Variants in PCDH15 observed in about 807,000 individuals in gnomAD.
PCDH15 encodes the protein protocadherin related 15.
PCDH15 carries 129 observed loss-of-function variants against 178.5 expected under a neutral mutation model. That is an observed-to-expected ratio of 0.72 (90% CI 0.63 to 0.84). The LOEUF (loss-of-function observed/expected upper bound fraction) is 0.84, where lower values mean the gene tolerates loss of function less well. Among genes scored for constraint, PCDH15 ranks in the 40% least tolerant of loss-of-function variants. PCDH15 has a pLI of 0.00. For synonymous variants in PCDH15, 800 were observed against 732.0 expected (o/e 1.09, Z -1.50); for missense variants, 2,230 against 2,099.9 (o/e 1.06, Z -1.21).
intron 2 of PCDH15, among the ~76,000 whole-genome samples, chr10:55,105,845 T>C (rs1405152727): frequency 6.6e-6 from 1 of 151,946 alleles, no homozygotes; most frequent in Non-Finnish European, 1.5e-5. Flanking sequence ...CATAAAAAAG[T>C]GATTTTTTCT....
intron 2 of PCDH15, among the ~76,000 whole-genome samples, chr10:55,401,635 T>C (rs914416187): frequency 4.0e-5 from 6 of 150,406 alleles, no homozygotes; most frequent in South Asian, 2.1e-4. Context: ...TGTGTGTGTG[T>C]GTAGTGAGTA....
intron 25 of PCDH15, among the ~76,000 whole-genome samples, chr10:53,937,718 A>T (rs2085701679): frequency 6.6e-6 from 1 of 152,194 alleles, no homozygotes; most frequent in Non-Finnish European, 1.5e-5. Context: ...TTTTATGATC[A>T]ACTGCCAAAC....
At chr10:54,740,502 G>T (rs1327541588) in intron 1 of PCDH15, among the ~76,000 whole-genome samples, 1 of 151,786 alleles carries the variant, frequency 6.6e-6, no homozygotes, top group Non-Finnish European at 1.5e-5. Flanking sequence ...ATTAGCATAT[G>T]ATCCAGCAAT....
At chr10:54,911,438 A>G (rs544758478) in intron 2 of PCDH15, among the ~76,000 whole-genome samples, 1 of 152,356 alleles carries the variant, frequency 6.6e-6, no homozygotes, top group South Asian at 2.1e-4. Flanking sequence ...ATGATAACAG[A>G]CATAAGACAA....
chr10:54,726,983 T>C (rs1395420241), intron 1 of PCDH15, among the ~76,000 whole-genome samples: 1 of 134,564 alleles, frequency 7.4e-6, no homozygotes, highest in Non-Finnish European at 1.7e-5. Context: ...TTGGAAAATA[T>C]TTTTGTGGGT....
intron 2 of PCDH15, among the ~76,000 whole-genome samples, chr10:55,150,320 CA>C (rs1179565243): frequency 6.6e-6 from 1 of 151,998 alleles, no homozygotes; most frequent in Admixed American, 6.6e-5. Flanking sequence ...AAATGGCCTG[CA>C]AAAACAGAAT....
chr10:54,784,542 C>T (rs887175681), intron 1 of PCDH15, among the ~76,000 whole-genome samples: 1 of 151,936 alleles, frequency 6.6e-6, no homozygotes, highest in African/African-American at 2.4e-5. Context: ...AAAGTCTTTC[C>T]TATATGGACA....
chr10:53,808,918 TCTGTACTTTCTTCCACAGGGG>T lies in PCDH15; in HGVS notation c.4671+1617_4671+1637del, dbSNP rs769671738. Reference sequence around the variant, plus strand: ...TTCAGGGATATCTTGAGCTTCAGGGTCTGTACTTTCTTCCACAGGGGCTGGTCCACTTTCTTCTTCTTCTGA... The same window carrying T: ...TTCAGGGATATCTTGAGCTTCAGGGTCTGGTCCACTTTCTTCTTCTTCTGA... On this transcript the variant is annotated intron_variant, in intron 37 of 37. Transcript: ENST00000644397. 1.3e-6 allele frequency: 2 copies of T among 1,571,296 alleles called. No individual in the cohort carries two copies. The highest frequency in any genetic ancestry group is 4.7e-5 in the East Asian group (2 of 42,522).
chr10:55,369,010 C>CA (rs60906060), intron 2 of PCDH15, among the ~76,000 whole-genome samples: 15,871 of 85,790 alleles, frequency 0.18, 958 homozygotes, highest in East Asian at 0.49. Context: ...TTTTTGGGAC[C>CA]AAAAAAAAAA....
intron 2 of PCDH15, among the ~76,000 whole-genome samples, chr10:55,564,811 G>A (rs1182506207): frequency 1.3e-5 from 2 of 151,548 alleles, no homozygotes; most frequent in Admixed American, 6.6e-5. Flanking sequence ...ATTCCAAGAA[G>A]CTATAATAAA....
At chr10:55,460,050 A>G (rs896511086) in intron 2 of PCDH15, among the ~76,000 whole-genome samples, 5 of 152,040 alleles carry the variant, frequency 3.3e-5, no homozygotes, top group Non-Finnish European at 5.9e-5. Context: ...CCCACAGAAC[A>G]AAAGTGATTG....
At chr10:54,697,515 G>GTGTATATATATATATATA (rs1555156234) in intron 1 of PCDH15, among the ~76,000 whole-genome samples, 12 of 143,056 alleles carry the variant, frequency 8.4e-5, no homozygotes, top group African/African-American at 2.9e-4. Flanking sequence ...TGAAATGTGT[G>GTGTATATATATATATATA]TATATATATA....
chr10:54,333,114 T>C (rs1426735050), intron 6 of PCDH15, among the ~76,000 whole-genome samples: 1 of 151,986 alleles, frequency 6.6e-6, no homozygotes, highest in Non-Finnish European at 1.5e-5. Context: ...GGCTAATTTT[T>C]ATTTTTTACT....
chr10:54,474,824 T>C (rs1281593583), intron 3 of PCDH15, among the ~76,000 whole-genome samples: 1 of 152,000 alleles, frequency 6.6e-6, no homozygotes, highest in Non-Finnish European at 1.5e-5. Flanking sequence ...GTTTCGAGGT[T>C]TTTCAATGAA....
chr10:55,129,674 A>G (rs1564821863), intron 2 of PCDH15, among the ~76,000 whole-genome samples: 1 of 152,134 alleles, frequency 6.6e-6, no homozygotes, highest in Non-Finnish European at 1.5e-5. Flanking sequence ...TTTTAAAGAA[A>G]GACTTATGCT....
intron 3 of PCDH15, among the ~76,000 whole-genome samples, chr10:54,401,354 G>A (rs1395919460): frequency 6.6e-6 from 1 of 151,576 alleles, no homozygotes; most frequent in Non-Finnish European, 1.5e-5. Flanking sequence ...TTATGCTGTT[G>A]TAGATTCAAA....
rs573043647 is a variant in PCDH15 at position 54,079,375 on chromosome 10, G to C, written c.2047C>G (p.Arg683Gly). The C allele has an allele frequency of 4.3e-6, 7 of 1,613,938 alleles. No homozygotes were observed. The highest frequency in any genetic ancestry group is 5.9e-6 in the Non-Finnish European group (7 of 1,179,970). Residue 683 changes from arginine to glycine, a missense_variant, in exon 17 of 38, where the codon CGC becomes GGC. Arg to Gly is a moderately radical substitution (Grantham distance 125). Transcript: ENST00000644397. ...GAAGCTGTGATGATCAGAATGTAGC[G>C]ATCAGTGCTTTCCCTGTCCAGTGCT... Reference protein sequence around the residue: ...GKALDRESTDRYILIITASDG... With the variant: ...GKALDRESTDGYILIITASDG...
chr10:54,720,802 T>C (rs1941477260), intron 1 of PCDH15, among the ~76,000 whole-genome samples: 1 of 152,030 alleles, frequency 6.6e-6, no homozygotes, highest in Non-Finnish European at 1.5e-5. Context: ...GTGGAGGACT[T>C]CAACACCCTA....
intron 1 of PCDH15, among the ~76,000 whole-genome samples, chr10:54,787,913 G>C (rs1026372251): frequency 2.6e-5 from 4 of 151,928 alleles, no homozygotes; most frequent in African/African-American, 7.2e-5. Context: ...TAGGCAGAAA[G>C]AGAGTATCCG....
Sources: gnomAD v4.1 joint callset for allele counts (sites outside exome capture counted in the v4.1 genomes callset) on GRCh38, gnomAD v4.1.1 for gene constraint, MANE v1.5 for transcripts, NCBI Gene and HGNC (gene_info 2026-07-23, HGNC 2026-07-21) for gene names.